ZNF112: variants seen among roughly 807,000 people sequenced by gnomAD.
ZNF112 encodes the protein zinc finger protein 112 (Y14).
Under a neutral mutation model 77.7 loss-of-function variants are expected in ZNF112, and 37 were observed. The observed-to-expected ratio is 0.48, with a 90% confidence interval of 0.37 to 0.63. The LOEUF is 0.63. Among genes scored for constraint, ZNF112 ranks in the 20% least tolerant of loss-of-function variants. The pLI, the probability that ZNF112 is intolerant of heterozygous loss-of-function variation, is 0.00. For missense variants in ZNF112, 950 were observed against 1,077.4 expected, an observed-to-expected ratio of 0.88 and a Z score of 1.66; for synonymous variants, 333 against 363.6, an observed-to-expected ratio of 0.92 and a Z score of 0.96.
chr19:44,349,845 A>G (rs943577523), intron 1 of ZNF112, among the ~76,000 whole-genome samples: 8 of 152,100 alleles, frequency 5.3e-5, no homozygotes, highest in Non-Finnish European at 8.8e-5. Flanking sequence ...GTTGAGGACA[A>G]TGGGAACAAC....
At position 44,347,506 on chromosome 19, in the gene ZNF112, T is replaced by A. The variant is rs3056479; in HGVS notation, c.-3-6964A>T. Among the ~76,000 whole-genome samples the A allele has an allele frequency of 3.0e-3, 300 of 100,014 alleles. 2 individuals are homozygous for A. Among genetic ancestry groups the A allele is most frequent in the Middle Eastern group, 7.0e-3 (1 of 142 alleles). 65.6% of individuals were successfully genotyped at this position (100,014 alleles called of 152,430 possible). A position where few individuals can be genotyped will look rare whatever the true frequency, so the allele number is the denominator to read the frequency against. On this transcript the variant is annotated intron_variant, in intron 1 of 3. Transcript: ENST00000354340. ...GTTGATTTTTTTTTTTTTTTTTTTTTACTATTCCATTCATTGTATCTATTA... is the reference window on the plus strand; with the variant it reads ...GTTGATTTTTTTTTTTTTTTTTTTTAACTATTCCATTCATTGTATCTATTA...
In ZNF112 at chr19:44,328,160, T is replaced by G. The variant is rs140465526; in HGVS notation, c.1997A>C (p.Lys666Thr). 22 of 1,613,916 alleles carry G rather than the reference T, an allele frequency of 1.4e-5. No homozygotes were observed. The highest frequency in any genetic ancestry group is 1.8e-5 in the Non-Finnish European group (21 of 1,179,988). ...EKPYKCEECGKGFSKASTLLA... is the reference protein window; with the variant it reads ...EKPYKCEECGTGFSKASTLLA... ...AAGTGTTGAGGCCTTACTGAAGCCT[T>G]TACCACATTCTTCACATTTATAGGG... The change falls in exon 4 of 4, where the codon AAA becomes ACA. Residue 666 changes from lysine to threonine, a missense_variant. Physicochemically the swap from Lys to Thr is moderately conservative, Grantham distance 78 (BLOSUM62 -1). Coordinates refer to ENST00000354340, the MANE Select transcript of ZNF112 (RefSeq NM_013380.4).
intron 3 of ZNF112, 51 bp downstream of exon 3, chr19:44,336,572 T>C (rs906107915): frequency 7.5e-6 from 11 of 1,464,300 alleles, no homozygotes; most frequent in African/African-American, 1.4e-5. Flanking sequence ...TTCTGACTCA[T>C]GTTCTAGAAG....
chr19:44,353,188 T>C (rs182003015), intron 1 of ZNF112, among the ~76,000 whole-genome samples: 9 of 152,208 alleles, frequency 5.9e-5, no homozygotes, highest in South Asian at 2.1e-4. Flanking sequence ...ACAAGTGGTG[T>C]TGGGATGGTT....
At position 44,328,948 on chromosome 19, in the gene ZNF112, G is replaced by T; in HGVS notation, c.1209C>A (p.His403Gln). The part of the protein sequence containing the change: ...SSCLQVHQKI[H>Q]TEEKLYTDIE... ...TATCTGTGTATAGTTTCTCTTCAGT[G>T]TGGATTTTTTGATGGACTTGAAGAC... is the stretch of plus-strand genomic sequence containing the variant. Residue 403 changes from histidine to glutamine, a missense_variant, in exon 4 of 4, where the codon CAC becomes CAA. Coordinates refer to ENST00000354340, the MANE Select transcript of ZNF112 (RefSeq NM_013380.4). The T allele has an allele frequency of 6.2e-7, 1 of 1,613,996 alleles. No individual in the cohort carries two copies. The highest frequency in any genetic ancestry group is 1.1e-5 in the South Asian group (1 of 91,078).
At chr19:44,344,602 T>C (rs1369647286) in intron 1 of ZNF112, among the ~76,000 whole-genome samples, 1 of 152,116 alleles carries the variant, frequency 6.6e-6, no homozygotes, top group Non-Finnish European at 1.5e-5. Flanking sequence ...TCATCCAATA[T>C]TTATGGATTG....
chr19:44,337,010 C>T (rs891985720), intron 2 of ZNF112, among the ~76,000 whole-genome samples: 1 of 151,282 alleles, frequency 6.6e-6, no homozygotes, highest in African/African-American at 2.4e-5. Context: ...CCAGAGTAGC[C>T]GGGACCATGG....
chr19:44,353,248 T>C (rs535008603), intron 1 of ZNF112, among the ~76,000 whole-genome samples: 1 of 152,136 alleles, frequency 6.6e-6, no homozygotes, highest in South Asian at 2.1e-4. Flanking sequence ...TCACATATTA[T>C]AAAAAAAGTT....
intron 2 of ZNF112, among the ~76,000 whole-genome samples, chr19:44,339,448 G>GT (rs1970448564): frequency 6.6e-6 from 1 of 152,182 alleles, no homozygotes; most frequent in African/African-American, 2.4e-5. Flanking sequence ...TCATATCTAG[G>GT]TAACTAAGCT....
chr19:44,365,228 T>C (rs575978356), intron 1 of ZNF112, among the ~76,000 whole-genome samples: 1,575 of 152,000 alleles, frequency 0.01, 23 homozygotes, highest in African/African-American at 0.037. Context: ...CCAAGGTGGG[T>C]AGAGCACTTG....
At chr19:44,343,204 A>G (rs767502515) in intron 1 of ZNF112, 13 of 1,604,428 alleles carry the variant, frequency 8.1e-6, no homozygotes, top group Non-Finnish European at 1.0e-5. Flanking sequence ...ATGTCCACTC[A>G]CTGCAAAATG....
intron 1 of ZNF112, among the ~76,000 whole-genome samples, chr19:44,342,513 T>C (rs558200364): frequency 1.6e-4 from 24 of 151,888 alleles, no homozygotes; most frequent in African/African-American, 5.8e-4. Flanking sequence ...AGCTTGTGAG[T>C]TGGAAATAAT....
At chr19:44,340,637 T>A in intron 1 of ZNF112, 95 bp from the exon 2 acceptor site, 1 of 1,558,778 alleles carries the variant, frequency 6.4e-7, no homozygotes, top group Non-Finnish European at 8.8e-7. Flanking sequence ...TCTGGGCAAC[T>A]TGAGTCACAT....
rs566631580 is a variant in ZNF112, at chr19:44,342,977, G to A, written c.-3-2435C>T. 8.5e-4 allele frequency among the ~76,000 whole-genome samples: 130 copies of A among 152,086 alleles called. 3 individuals carry two copies. In the South Asian group the frequency reaches 0.026, roughly 30 times the overall value. ...CAGTTATATTTAAAAAAATGACCAT[G>A]GACAAAAACAGATTTGTAAGCAGGG... On this transcript the variant is annotated intron_variant, in intron 1 of 3. Transcript: ENST00000354340.
intron 3 of ZNF112, among the ~76,000 whole-genome samples, chr19:44,330,809 G>A (rs1302430426): frequency 3.3e-5 from 5 of 152,314 alleles, no homozygotes; most frequent in East Asian, 1.9e-4. Context: ...ATCTGAAGGG[G>A]AAAAGAGGAT....
chr19:44,347,557 T>A (rs868098592), intron 1 of ZNF112, among the ~76,000 whole-genome samples: 17 of 150,958 alleles, frequency 1.1e-4, no homozygotes, highest in African/African-American at 4.1e-4. Context: ...TCCTTTTTTT[T>A]TTTTTCCAGT....
intron 1 of ZNF112, among the ~76,000 whole-genome samples, chr19:44,351,743 C>T (rs10405268): frequency 9.0e-4 from 137 of 151,948 alleles, no homozygotes; most frequent in African/African-American, 3.0e-3. Context: ...AACCCACAGG[C>T]GGTTCTTTGC....
chr19:44,328,119 C>T lies in ZNF112; in HGVS notation c.2038G>A (p.Val680Ile), dbSNP rs768886387. The T allele has an allele frequency of 1.4e-5, 22 of 1,613,908 alleles. No homozygotes were observed. Among genetic ancestry groups the T allele is most frequent in the African/African-American group, 2.7e-5 (2 of 74,914 alleles). Residue 680 changes from valine (V) to isoleucine (I), a missense_variant, in exon 4 of 4, where the codon GTC becomes ATC. By Grantham distance (29) the Val-to-Ile change is conservative. Around this residue, in one of 3 missense-constraint regions of ZNF112, gnomAD observed 373 missense variants for 482.8 expected, o/e 0.77. Coordinates refer to ENST00000354340, the MANE Select transcript of ZNF112 (RefSeq NM_013380.4). Reference sequence around the variant, plus strand: ...TGGTATGGCTTCTCTCCCGTGTGGACCCTCTGATGGGCCAAAAGTGTTGAG... The same window carrying T: ...TGGTATGGCTTCTCTCCCGTGTGGATCCTCTGATGGGCCAAAAGTGTTGAG... ...KASTLLAHQR[V>I]HTGEKPYQCD...
chr19:44,350,493 T>G (rs1183128504), intron 1 of ZNF112, among the ~76,000 whole-genome samples: 1 of 152,038 alleles, frequency 6.6e-6, no homozygotes, highest in Non-Finnish European at 1.5e-5. Flanking sequence ...GAAATTAGCT[T>G]TAGCTGCAGA....
Sources: gnomAD v4.1 joint callset for allele counts (sites outside exome capture counted in the v4.1 genomes callset) on GRCh38, gnomAD v4.1.1 for gene constraint, gnomAD v4.1.1 regional missense constraint, MANE v1.5 for transcripts, NCBI Gene and HGNC (gene_info 2026-07-23, HGNC 2026-07-21) for gene names.